RPS27A: variants seen among roughly 807,000 people sequenced by gnomAD.
RPS27A encodes ribosomal protein S27a, also known as ubiquitin-ribosomal protein eS31 fusion protein.
RPS27A carries 1 observed loss-of-function variant against 18.9 expected under a neutral mutation model. That is an observed-to-expected ratio of 0.05 (90% CI 0.02 to 0.25). The LOEUF (loss-of-function observed/expected upper bound fraction) is 0.25, where lower values mean the gene tolerates loss of function less well. RPS27A is among the 10% of genes least tolerant of loss of function. RPS27A has a pLI of 1.00. For missense variants in RPS27A, 123 were observed against 187.4 expected (o/e 0.66, Z 2.01); for synonymous variants, 77 against 63.7 (o/e 1.21, Z -0.99).
At chr2:55,232,990 T>G (rs558078164) in intron 2 of RPS27A, 118 bp downstream of exon 2, 23 of 907,408 alleles carry the variant, frequency 2.5e-5, no homozygotes, top group South Asian at 5.6e-5. Flanking sequence ...TTCTAAAACT[T>G]AAGCTTTGAA....
upstream of RPS27A, chr2:55,232,530 G>GC: frequency 1.9e-6 from 1 of 513,854 alleles, no homozygotes; most frequent in African/African-American, 1.9e-5. Context: ...TGAGAAATAA[G>GC]CCCAGGCTAG....
Position 55,232,710 on chromosome 2 carries a change from T to C in RPS27A, c.-18+2T>C, listed in dbSNP as rs573092663. Reference sequence around the variant, plus strand: ...TTCCTTTTCGATCCGCCATCTGCGGTGGGTGTCTGCACTTCGGCTGCTCTC... The same window carrying C: ...TTCCTTTTCGATCCGCCATCTGCGGCGGGTGTCTGCACTTCGGCTGCTCTC... On this transcript the variant is annotated splice_donor_variant, in intron 1 of 5. Transcript: ENST00000272317. LOFTEE classifies it low-confidence loss of function (5UTR_SPLICE). 2.2e-6 allele frequency: 2 copies of C among 912,538 alleles called. No homozygotes were observed. Among genetic ancestry groups the C allele is most frequent in the South Asian group, 1.4e-5 (1 of 71,374 alleles). 56.5% of individuals were successfully genotyped at this position (912,538 alleles called of 1,614,324 possible). A position where few individuals can be genotyped will look rare whatever the true frequency, so the allele number is the denominator to read the frequency against.
chr2:55,235,356 A>G (rs1322719560), intron 5 of RPS27A, 72 bp from the exon 6 acceptor site: 4 of 1,549,050 alleles, frequency 2.6e-6, no homozygotes, highest in African/African-American at 1.4e-5. Context: ...AAGCTTAAAT[A>G]TTTTGAGTCA....
rs1169950377 is a variant in RPS27A at position 55,233,402 on chromosome 2, A to G, written c.88A>G (p.Ile30Val). ...TACGATAGAAAATGTAAAGGCCAAG[A>G]TCCAGGATAAGGAAGGCAAGTAGTA... ...SDTIENVKAK[I>V]QDKEGIPPDQ... is the part of the protein sequence containing the mutation. Residue 30 changes from isoleucine to valine, a missense_variant, in exon 3 of 6, where the codon ATC becomes GTC. By Grantham distance (29) the Ile-to-Val change is conservative (BLOSUM62 3). This residue lies in a region of RPS27A where 66 missense variants were observed against 72.6 expected (regional missense o/e 0.91). Coordinates refer to ENST00000272317, the MANE Select transcript of RPS27A (RefSeq NM_002954.6). 6.2e-7 allele frequency: 1 copy of G among 1,613,254 alleles called. No individual in the cohort carries two copies. Among genetic ancestry groups the G allele is most frequent in the Non-Finnish European group, 8.5e-7 (1 of 1,179,372 alleles).
At chr2:55,233,971 T>TAA in intron 3 of RPS27A, 148 bp from the exon 4 acceptor site, 1 of 704,940 alleles carries the variant, frequency 1.4e-6, no homozygotes, top group Non-Finnish European at 2.6e-6. Flanking sequence ...ATGTGACATG[T>TAA]AAAGATTTAG....
intron 3 of RPS27A, chr2:55,233,890 A>T (rs1036154581): frequency 3.4e-6 from 2 of 591,096 alleles, no homozygotes; most frequent in Admixed American, 5.9e-5. Context: ...TCGACCTCCC[A>T]AAGTATTGGT....
rs1052292576 is a variant in RPS27A, at chr2:55,235,223, G to A, written c.322-205G>A. 7.1e-6 allele frequency: 5 copies of A among 706,418 alleles called. 1 individual carries two copies. Among genetic ancestry groups the A allele is most frequent in the African/African-American group, 5.4e-5 (3 of 55,846 alleles). The allele number at this position is 706,418 out of a possible 1,614,324, so 43.8% of individuals were successfully genotyped here. On this transcript the variant is annotated intron_variant, in intron 5 of 5. Coordinates refer to ENST00000272317, the MANE Select transcript of RPS27A (RefSeq NM_002954.6). ...TTTACCTTTGTCTACCACTTGCAAA[G>A]CTGGCCTTTAGTGTTCAAAAGTCCC...
Position 55,235,826 on chromosome 2 carries a change from A to ATATT in RPS27A, c.*252_*255dup. On this transcript the variant is annotated 3_prime_UTR_variant, in exon 6 of 6. Coordinates refer to ENST00000272317, the MANE Select transcript of RPS27A (RefSeq NM_002954.6). ...GACTACCTATACTTTGGCAGAAGTT[A>ATATT]TATTTAATGTAAGTTGTCTAAATAT... is the stretch of plus-strand genomic sequence containing the variant. 1.8e-6 allele frequency: 1 copy of ATATT among 540,726 alleles called. No individual in the cohort carries two copies. The highest frequency in any genetic ancestry group is 2.0e-5 in the South Asian group (1 of 48,812). 33.5% of individuals were successfully genotyped at this position (540,726 alleles called of 1,614,324 possible).
chr2:55,232,704 C>A lies in RPS27A; in HGVS notation c.-22C>A. The A allele has an allele frequency of 2.2e-6, 2 of 892,222 alleles. No individual in the cohort carries two copies. Among genetic ancestry groups the A allele is most frequent in the Non-Finnish European group, 3.7e-6 (2 of 546,468 alleles). The allele number at this position is 892,222 out of a possible 1,614,324, so 55.3% of individuals were successfully genotyped here. A position where few individuals can be genotyped will look rare whatever the true frequency, so the allele number is the denominator to read the frequency against. ...GCGTTCTTCCTTTTCGATCCGCCAT[C>A]TGCGGTGGGTGTCTGCACTTCGGCT... On this transcript the variant is annotated 5_prime_UTR_variant, in exon 1 of 6. The change creates a new upstream start codon in the 5' untranslated region. Coordinates refer to ENST00000272317, the MANE Select transcript of RPS27A (RefSeq NM_002954.6).
intron 5 of RPS27A, 157 bp downstream of exon 5, chr2:55,235,119 C>A: frequency 3.4e-6 from 3 of 878,486 alleles, no homozygotes; most frequent in Non-Finnish European, 5.3e-6. Flanking sequence ...TTCAGACTTT[C>A]TGGGGTTTTT....
chr2:55,234,839 T>C lies in RPS27A; in HGVS notation c.198T>C (p.Thr66=), dbSNP rs758424171. The change falls in exon 5 of 6, where the codon ACT becomes ACC. Residue 66 remains threonine, a synonymous_variant. Coordinates refer to ENST00000272317, the MANE Select transcript of RPS27A (RefSeq NM_002954.6). ...CATTCTTCCATTAACAGGAGTCTAC[T>C]CTTCATCTTGTGTTGAGACTTCGTG... The part of the protein sequence containing the change: ...LSDYNIQKES[T]LHLVLRLRGG... The C allele has an allele frequency of 2.5e-6, 4 of 1,612,302 alleles. No homozygotes were observed. The highest frequency in any genetic ancestry group is 1.1e-5 in the South Asian group (1 of 90,992).
upstream of RPS27A, chr2:55,232,684 C>T (rs545917701): frequency 2.5e-5 from 20 of 800,112 alleles, no homozygotes; most frequent in East Asian, 1.6e-4. Context: ...GCGCGGCGTT[C>T]TTCCTTTTCG....
intron 5 of RPS27A, 26 bp from the exon 6 acceptor site, chr2:55,235,397 ATTATC>A (rs1675738327): frequency 1.9e-6 from 3 of 1,611,038 alleles, no homozygotes; most frequent in African/African-American, 1.3e-5. Context: ...GTGTTGTAAA[ATTATC>A]TTAACAGCAG....
At chr2:55,231,965 G>A (rs1164360384), upstream of RPS27A, 3 of 152,274 alleles carry the variant, frequency 2.0e-5, no homozygotes, top group African/African-American at 4.8e-5. Context: ...AGGCGCTACA[G>A]GAGAGAAAGG....
chr2:55,232,977 G>C (rs894405680), intron 2 of RPS27A, 105 bp downstream of exon 2: 2 of 988,282 alleles, frequency 2.0e-6, no homozygotes, highest in Non-Finnish European at 3.2e-6. Context: ...TTCCGAATTT[G>C]GGTTCTAAAA....
At chr2:55,232,634 T>A, upstream of RPS27A, 1 of 670,020 alleles carries the variant, frequency 1.5e-6, no homozygotes, top group South Asian at 1.6e-5. Context: ...GCCTAAGGGG[T>A]GGGTCCTTCG....
At chr2:55,233,783 C>A (rs368249891) in intron 3 of RPS27A, 1 of 473,904 alleles carries the variant, frequency 2.1e-6, no homozygotes. Flanking sequence ...CGTGCACCAC[C>A]ATGCCTGGCT....
At position 55,232,901 on chromosome 2, in the gene RPS27A, A is replaced by G. The variant is rs757264895; in HGVS notation, c.48+29A>G. The G allele has an allele frequency of 7.5e-6, 12 of 1,590,700 alleles. No individual in the cohort carries two copies. The African/African-American group carries it at 8.1e-5, about 11-fold the overall frequency. ...CGGGCCGGGTGGTCATGAGGAAGCCAAGGTCCGAATAAGGTCCTGAGGTGG... is the reference window on the plus strand; with the variant it reads ...CGGGCCGGGTGGTCATGAGGAAGCCGAGGTCCGAATAAGGTCCTGAGGTGG... On this transcript the variant is annotated intron_variant, in intron 2 of 5. Transcript: ENST00000272317.
chr2:55,235,369 TAA>T lies in RPS27A; in HGVS notation c.322-57_322-56del, dbSNP rs1276167205. Reference sequence around the variant, plus strand: ...AAAAGCTTAAATATTTTGAGTCACTTAAATTAGACTTCAGAATGTGTTGTAAA... The same window carrying T: ...AAAAGCTTAAATATTTTGAGTCACTTATTAGACTTCAGAATGTGTTGTAAA... On this transcript the variant is annotated intron_variant, in intron 5 of 5. Coordinates refer to ENST00000272317, the MANE Select transcript of RPS27A (RefSeq NM_002954.6). 2.8e-5 allele frequency: 45 copies of T among 1,590,486 alleles called. No homozygotes were observed. In the Admixed American group the frequency reaches 6.0e-4, roughly 21 times the overall value.
Sources: gnomAD v4.1 joint callset for allele counts on GRCh38, gnomAD v4.1.1 for gene constraint, gnomAD v4.1.1 regional missense constraint, MANE v1.5 for transcripts, NCBI Gene and HGNC (gene_info 2026-07-23, HGNC 2026-07-21) for gene names.